Variants in ARID1A observed in about 807,000 individuals in gnomAD.
ARID1A encodes AT-rich interactive domain-containing protein 1A.
In ARID1A, 20 loss-of-function variants were observed where a neutral mutation model predicts 212.6. That is an observed-to-expected ratio of 0.09 (90% CI 0.07 to 0.14). ARID1A has a LOEUF of 0.14. Among genes scored for constraint, ARID1A ranks in the 10% least tolerant of loss-of-function variants. The pLI, the probability that ARID1A is intolerant of heterozygous loss-of-function variation, is 1.00. For missense variants in ARID1A, 2,587 were observed against 3,059.0 expected (o/e 0.85, Z 3.64); for synonymous variants, 1,376 against 1,222.1 (o/e 1.13, Z -2.63).
At position 26,729,354 on chromosome 1, in the gene ARID1A, C is replaced by T; in HGVS notation, c.1138-297C>T. ...GCACCGTCCTCTACCAACTGAAGGG[C>T]CTTTGTTTATACCCGGCCTGTCCCT... On this transcript the variant is annotated intron_variant, in intron 1 of 19. Transcript: ENST00000324856. The T allele has an allele frequency of 1.2e-5, 5 of 408,802 alleles. No individual in the cohort carries two copies. In the South Asian group the frequency reaches 1.2e-4, roughly 10 times the overall value. 25.3% of individuals were successfully genotyped at this position (408,802 alleles called of 1,614,324 possible).
chr1:26,717,300 T>TTG (rs2080512777), intron 1 of ARID1A, among the ~76,000 whole-genome samples: 1 of 152,216 alleles, frequency 6.6e-6, no homozygotes. Context: ...GAGAGAAGTA[T>TTG]TGTGTGTGTG....
chr1:26,736,322 CAAAAAAA>C (rs1159133678), intron 4 of ARID1A, among the ~76,000 whole-genome samples: 3 of 52,452 alleles, frequency 5.7e-5, no homozygotes, highest in Non-Finnish European at 7.8e-5. Flanking sequence ...AACTCCATCT[CAAAAAAA>C]AAAAAAAAAA....
In ARID1A at chr1:26,730,429, A is replaced by G. The variant is rs570054839; in HGVS notation, c.1350+566A>G. ...CTTTATTGTCATTTTTGTATTGACA[A>G]AGTTTTCTATCATTTATCTTTGAGT... On this transcript the variant is annotated intron_variant, in intron 2 of 19. Coordinates refer to ENST00000324856, the MANE Select transcript of ARID1A (RefSeq NM_006015.6). Among the ~76,000 whole-genome samples, 213 of 152,340 alleles carry G rather than the reference A, an allele frequency of 1.4e-3. 1 individual carries two copies. Among genetic ancestry groups the G allele is most frequent in the Non-Finnish European group, 2.3e-3 (158 of 68,028 alleles).
At chr1:26,735,544 G>A (rs2080721075) in intron 4 of ARID1A, among the ~76,000 whole-genome samples, 1 of 152,162 alleles carries the variant, frequency 6.6e-6, no homozygotes, top group Non-Finnish European at 1.5e-5. Context: ...CACCTGCCTT[G>A]GCCTCCCAAG....
chr1:26,762,631 T>C (rs1279742334), intron 7 of ARID1A, among the ~76,000 whole-genome samples: 1 of 152,244 alleles, frequency 6.6e-6, no homozygotes. Context: ...TTTTATTAAT[T>C]ATTTTTAGTG....
Position 26,772,826 on chromosome 1 carries a change from T to C in ARID1A, c.3554T>C (p.Val1185Ala), listed in dbSNP as rs2081095820. The stretch of plus-strand genomic sequence containing the variant: ...TCACTCTGGAGCAGGAGCAATTCAG[T>C]TGGGATCCAGGATGCCTTTAATGAT... The part of the protein sequence containing the change: ...PLPGMSRSNS[V>A]GIQDAFNDGS... Residue 1185 changes from valine to alanine, a missense_variant, in exon 14 of 20, where the codon GTT (valine) becomes GCT (alanine). Transcript: ENST00000324856. 1 of 1,613,896 alleles carries C rather than the reference T, an allele frequency of 6.2e-7. No individual in the cohort carries two copies. Among genetic ancestry groups the C allele is most frequent in the Non-Finnish European group, 8.5e-7 (1 of 1,179,930 alleles).
At position 26,734,344 on chromosome 1, in the gene ARID1A, T is replaced by C. The variant is rs565410167; in HGVS notation, c.1920+1552T>C. Among the ~76,000 whole-genome samples, 54 of 16,112 alleles carry C rather than the reference T, an allele frequency of 3.4e-3. 2 individuals are homozygous for C. The South Asian group carries it at 0.18, about 52-fold the overall frequency. 10.6% of individuals were successfully genotyped at this position (16,112 alleles called of 152,430 possible). A position where few individuals can be genotyped will look rare whatever the true frequency, so the allele number is the denominator to read the frequency against. On this transcript the variant is annotated intron_variant, in intron 4 of 19. Transcript: ENST00000324856. The stretch of plus-strand genomic sequence containing the variant: ...TTTTGATAGATCTGTATTTGGCTTC[T>C]TTTTTTTTTTTTTTTTTTGGTCCTG...
At chr1:26,699,985 T>C (rs2080316963) in intron 1 of ARID1A, among the ~76,000 whole-genome samples, 1 of 152,164 alleles carries the variant, frequency 6.6e-6, no homozygotes, top group East Asian at 1.9e-4. Flanking sequence ...TTTGGATGAA[T>C]TTTCTGATCT....
At chr1:26,712,381 T>C (rs992675506) in intron 1 of ARID1A, among the ~76,000 whole-genome samples, 3 of 152,156 alleles carry the variant, frequency 2.0e-5, no homozygotes, top group African/African-American at 7.2e-5. Context: ...TGTGAAGTTT[T>C]AGTAAATAAA....
Position 26,731,381 on chromosome 1 carries a change from A to G in ARID1A, c.1580A>G (p.His527Arg). Residue 527 changes from histidine (H) to arginine (R), a missense_variant, in exon 3 of 20, where the codon CAT (histidine) becomes CGT (arginine). By Grantham distance (29) the His-to-Arg change is conservative. Coordinates refer to ENST00000324856, the MANE Select transcript of ARID1A (RefSeq NM_006015.6). ...TCCCAGCAGCCATCCCAGCCTCCAC[A>G]TCAGCAGTCCCCGGCTCCATACCCC... ...PYSQQPSQPPHQQSPAPYPSQ... is the reference protein window; with the variant it reads ...PYSQQPSQPPRQQSPAPYPSQ... 6.2e-7 allele frequency: 1 copy of G among 1,613,562 alleles called. No homozygotes were observed. Among genetic ancestry groups the G allele is most frequent in the Non-Finnish European group, 8.5e-7 (1 of 1,179,858 alleles).
chr1:26,698,631 T>C (rs977053286), intron 1 of ARID1A, among the ~76,000 whole-genome samples: 1 of 152,232 alleles, frequency 6.6e-6, no homozygotes, highest in Non-Finnish European at 1.5e-5. Context: ...GTCAGAACAG[T>C]AGCTGAGTTT....
chr1:26,738,029 C>CT (rs71007891), intron 4 of ARID1A, among the ~76,000 whole-genome samples: 4,748 of 144,706 alleles, frequency 0.033, 98 homozygotes, highest in Non-Finnish European at 0.048. Context: ...ATAGTAAACT[C>CT]TTTTTTTTTT....
At chr1:26,697,964 C>G (rs546567287) in intron 1 of ARID1A, among the ~76,000 whole-genome samples, 1 of 152,300 alleles carries the variant, frequency 6.6e-6, no homozygotes, top group South Asian at 2.1e-4. Context: ...GTCCCCCGGC[C>G]TTCCTCTGGG....
chr1:26,737,666 G>C (rs895264226), intron 4 of ARID1A, among the ~76,000 whole-genome samples: 1 of 152,052 alleles, frequency 6.6e-6, no homozygotes, highest in Admixed American at 6.5e-5. Flanking sequence ...GAGAGTTTGA[G>C]ACCAGCCTGA....
At chr1:26,739,540 G>A (rs1006228089) in intron 4 of ARID1A, among the ~76,000 whole-genome samples, 3 of 152,156 alleles carry the variant, frequency 2.0e-5, no homozygotes, top group African/African-American at 7.2e-5. Context: ...AAGCCACAGC[G>A]GTAACTAGAA....
rs2080261664 is a variant in ARID1A, at chr1:26,696,834, C to T, written c.431C>T (p.Pro144Leu). The change falls in exon 1 of 20, where the codon CCG (proline) becomes CTG (leucine). Residue 144 changes from proline to leucine, a missense_variant. Physicochemically the swap from Pro to Leu is moderately conservative, Grantham distance 98. Coordinates refer to ENST00000324856, the MANE Select transcript of ARID1A (RefSeq NM_006015.6). ...APPHSAAAAL[P>L]PPAYGFGQPY... ...CCTCACTCAGCCGCGGCCGCCTTGCCGCCCCCAGCCTACGGCTTCGGGCAA... is the reference window on the plus strand; with the variant it reads ...CCTCACTCAGCCGCGGCCGCCTTGCTGCCCCCAGCCTACGGCTTCGGGCAA... 3.7e-6 allele frequency: 5 copies of T among 1,337,866 alleles called. No individual in the cohort carries two copies. In the South Asian group the frequency reaches 8.1e-5, roughly 22 times the overall value. The allele number at this position is 1,337,866 out of a possible 1,614,324, so 82.9% of individuals were successfully genotyped here. A position where few individuals can be genotyped will look rare whatever the true frequency, so the allele number is the denominator to read the frequency against.
intron 4 of ARID1A, among the ~76,000 whole-genome samples, chr1:26,735,962 C>G (rs1452941047): frequency 6.6e-6 from 1 of 152,152 alleles, no homozygotes; most frequent in African/African-American, 2.4e-5. Flanking sequence ...ACTACCTAAT[C>G]AAGCTTCAAG....
chr1:26,733,803 G>T (rs2080703368), intron 4 of ARID1A, among the ~76,000 whole-genome samples: 1 of 152,196 alleles, frequency 6.6e-6, no homozygotes, highest in South Asian at 2.1e-4. Flanking sequence ...TTGGAATTTT[G>T]ACTCTACTTG....
intron 4 of ARID1A, among the ~76,000 whole-genome samples, chr1:26,749,435 T>G (rs2080866016): frequency 6.6e-6 from 1 of 152,110 alleles, no homozygotes; most frequent in South Asian, 2.1e-4. Flanking sequence ...TCGATGTGAT[T>G]AAACCTCCGG....
Sources: allele counts gnomAD v4.1 joint callset (sites outside exome capture counted in the v4.1 genomes callset), GRCh38; gene constraint gnomAD v4.1.1; transcripts MANE v1.5; gene names NCBI Gene and HGNC (gene_info 2026-07-23, HGNC 2026-07-21).